The following DRC11 variants were observed in gnomAD, a reference collection of about 807,000 sequenced individuals.
DRC11 encodes dynein regulatory complex subunit 11.
At chr2:236,476,335 T>C in the DRC11 span, among the ~76,000 whole-genome samples, 9 of 152,142 alleles carry the variant, frequency 5.9e-5, no homozygotes, top group Admixed American at 5.9e-4. The surrounding 1 kb of genome is among the most constrained non-coding windows in gnomAD (Gnocchi z 4.7). Context: ...CTACTGTAAA[T>C]GGGATTACTT....
At chr2:236,454,515 TAC>T in the DRC11 span, among the ~76,000 whole-genome samples, 1 of 152,224 alleles carries the variant, frequency 6.6e-6, no homozygotes, top group Non-Finnish European at 1.5e-5. This position sits in a 1 kb window ranked among gnomAD's most constrained non-coding sequence, Gnocchi z 5.3. Flanking sequence ...TCTGAGAATT[TAC>T]TAAAAATATA....
the DRC11 span, among the ~76,000 whole-genome samples, chr2:236,458,543 A>C: frequency 6.6e-6 from 1 of 152,232 alleles, no homozygotes; most frequent in Admixed American, 6.5e-5. Flanking sequence ...TATAAAATGC[A>C]TAACCCCAAT....
At chr2:236,470,682 A>C in the DRC11 span, among the ~76,000 whole-genome samples, 1 of 152,214 alleles carries the variant, frequency 6.6e-6, no homozygotes, top group African/African-American at 2.4e-5. This position sits in a 1 kb window ranked among gnomAD's most constrained non-coding sequence, Gnocchi z 5.1. Flanking sequence ...TGTTTATACA[A>C]TATACCTACT....
chr2:236,320,188 G>C, the DRC11 span, among the ~76,000 whole-genome samples: 5,492 of 152,294 alleles, frequency 0.036, 341 homozygotes, highest in African/African-American at 0.12. Context: ...CATATATTTT[G>C]GACCAAGGTC....
the DRC11 span, among the ~76,000 whole-genome samples, chr2:236,378,731 G>C: frequency 1.3e-5 from 2 of 151,046 alleles, no homozygotes; most frequent in Admixed American, 1.3e-4. Flanking sequence ...AGCATGGGCT[G>C]CACCCTCCTC....
the DRC11 span, chr2:236,503,710 C>A: frequency 2.6e-6 from 4 of 1,550,422 alleles, no homozygotes; most frequent in Non-Finnish European, 3.5e-6. This position sits in a 1 kb window ranked among gnomAD's most constrained non-coding sequence, Gnocchi z 4.9. Context: ...TGGCTTCCTG[C>A]TCCCCAGCTG....
chr2:236,485,341 T>C, the DRC11 span, among the ~76,000 whole-genome samples: 4 of 152,300 alleles, frequency 2.6e-5, no homozygotes, highest in Admixed American at 2.6e-4. Context: ...TTTCTTCTTT[T>C]CTTGATTAGC....
the DRC11 span, among the ~76,000 whole-genome samples, chr2:236,451,303 T>C: frequency 2.0e-5 from 3 of 152,006 alleles, no homozygotes; most frequent in African/African-American, 7.2e-5. Flanking sequence ...AGCTGTCTTG[T>C]TTAAAAAATA....
At chr2:236,414,808 A>C in the DRC11 span, among the ~76,000 whole-genome samples, 8 of 152,330 alleles carry the variant, frequency 5.3e-5, no homozygotes, top group African/African-American at 1.7e-4. Context: ...TGATGAAAAG[A>C]TCAAATGCAG....
the DRC11 span, among the ~76,000 whole-genome samples, chr2:236,336,392 T>C: frequency 1.3e-5 from 2 of 151,956 alleles, no homozygotes; most frequent in Non-Finnish European, 2.9e-5. The surrounding 1 kb of genome is among the most constrained non-coding windows in gnomAD (Gnocchi z 7.3). Context: ...ACCTAATCAC[T>C]GTATTACTAC....
the DRC11 span, chr2:236,465,459 C>G: frequency 3.4e-6 from 5 of 1,489,604 alleles, no homozygotes; most frequent in Non-Finnish European, 4.7e-6. The surrounding 1 kb of genome is among the most constrained non-coding windows in gnomAD (Gnocchi z 6.2). Flanking sequence ...ATAACCTCAG[C>G]CACTAAAGAA....
chr2:236,350,945 C>T, the DRC11 span, among the ~76,000 whole-genome samples: 5 of 152,114 alleles, frequency 3.3e-5, no homozygotes, highest in African/African-American at 4.8e-5. The surrounding 1 kb of genome is among the most constrained non-coding windows in gnomAD (Gnocchi z 5.2). Context: ...CAAGCGGAAG[C>T]TACTTCGTCC....
At chr2:236,473,732 A>G in the DRC11 span, among the ~76,000 whole-genome samples, 5,506 of 152,046 alleles carry the variant, frequency 0.036, 128 homozygotes, top group South Asian at 0.07. This position sits in a 1 kb window ranked among gnomAD's most constrained non-coding sequence, Gnocchi z 4.8. Flanking sequence ...AGTGCTATTT[A>G]TTTTTCTTTG....
the DRC11 span, among the ~76,000 whole-genome samples, chr2:236,310,349 C>T: frequency 6.6e-6 from 1 of 152,192 alleles, no homozygotes; most frequent in African/African-American, 2.4e-5. The surrounding 1 kb of genome is among the most constrained non-coding windows in gnomAD (Gnocchi z 5.5). Context: ...CCAGAAGTTC[C>T]TCCCCAACTG....
the DRC11 span, among the ~76,000 whole-genome samples, chr2:236,418,946 T>C: frequency 1.4e-4 from 21 of 152,342 alleles, no homozygotes; most frequent in South Asian, 2.9e-3. Flanking sequence ...TCCTAATTGA[T>C]ACTTACAAGT....
At chr2:236,464,351 T>C in the DRC11 span, among the ~76,000 whole-genome samples, 1 of 152,170 alleles carries the variant, frequency 6.6e-6, no homozygotes, top group Non-Finnish European at 1.5e-5. Context: ...TATGATGCAA[T>C]ACCCCATCAA....
the DRC11 span, among the ~76,000 whole-genome samples, chr2:236,357,139 ATATC>A: frequency 2.3e-5 from 3 of 131,324 alleles, no homozygotes; most frequent in East Asian, 2.2e-4. Context: ...CGTATATTAT[ATATC>A]TATATATTAT....
At chr2:236,365,594 G>T in the DRC11 span, among the ~76,000 whole-genome samples, 13 of 152,228 alleles carry the variant, frequency 8.5e-5, no homozygotes, top group African/African-American at 3.1e-4. The surrounding 1 kb of genome is among the most constrained non-coding windows in gnomAD (Gnocchi z 7.4). Flanking sequence ...TGAGGACAGA[G>T]CCTTGGGTTG....
the DRC11 span, among the ~76,000 whole-genome samples, chr2:236,371,093 C>A: frequency 6.6e-6 from 1 of 152,070 alleles, no homozygotes; most frequent in Non-Finnish European, 1.5e-5. The surrounding 1 kb of genome is among the most constrained non-coding windows in gnomAD (Gnocchi z 5.1). Context: ...TGGAGACATC[C>A]ATCCGGGCAA....
Sources: allele counts gnomAD v4.1 joint callset (sites outside exome capture counted in the v4.1 genomes callset), GRCh38; gene constraint gnomAD v4.1.1; non-coding constraint Gnocchi (gnomAD v3.1); transcripts MANE v1.5; gene names NCBI Gene and HGNC (gene_info 2026-07-23, HGNC 2026-07-21).